Variants in RSU1 observed in about 807,000 individuals in gnomAD.
The protein encoded by RSU1 is Ras suppressor protein 1, also known as rsu-1.
In RSU1, 26 loss-of-function variants were observed where a neutral mutation model predicts 31.1. That is an observed-to-expected ratio of 0.84 (90% CI 0.61 to 1.16). The LOEUF (loss-of-function observed/expected upper bound fraction) is 1.16, where lower values mean the gene tolerates loss of function less well. RSU1 is among the 50% of genes most tolerant of loss of function. The pLI is 0.00. For missense variants in RSU1, 320 were observed against 339.1 expected (o/e 0.94, Z 0.44); for synonymous variants, 164 against 136.3 (o/e 1.20, Z -1.41).
chr10:16,790,731 C>G (rs1837895142), intron 2 of RSU1, among the ~76,000 whole-genome samples: 1 of 152,108 alleles, frequency 6.6e-6, no homozygotes, highest in Non-Finnish European at 1.5e-5. Flanking sequence ...GGTGGATTCC[C>G]CCTTGCTTTT....
rs75911762 is a variant in RSU1, at chr10:16,594,157, C to T, written c.732-661G>A. ...CTGATTAAACCAAATTAAAAGCCAC[C>T]CTAAAATAAATACAGCTCAAACTTA... On this transcript the variant is annotated intron_variant, in intron 8 of 8. Coordinates refer to ENST00000345264, the MANE Select transcript of RSU1 (RefSeq NM_012425.4). Among the ~76,000 whole-genome samples, 436 of 152,154 alleles carry T rather than the reference C, an allele frequency of 2.9e-3. 2 individuals carry two copies. Among genetic ancestry groups the T allele is most frequent in the African/African-American group, 9.9e-3 (410 of 41,510 alleles).
At chr10:16,644,211 G>A (rs1432671942) in intron 8 of RSU1, among the ~76,000 whole-genome samples, 1 of 152,206 alleles carries the variant, frequency 6.6e-6, no homozygotes, top group African/African-American at 2.4e-5. Flanking sequence ...ATAAGCTGAG[G>A]CAATTCCTAT....
Position 16,763,500 on chromosome 10 carries a change from G to A in RSU1, c.281+890C>T, listed in dbSNP as rs531861842. On this transcript the variant is annotated intron_variant, in intron 4 of 8. Transcript: ENST00000345264. ...CTATCACAAGGACAGTACCAAGAGG[G>A]GATAGTGCTAAACCATTCAGGAGAG... Among the ~76,000 whole-genome samples the A allele has an allele frequency of 7.2e-5, 11 of 152,246 alleles. No homozygotes were observed. In the East Asian group the frequency reaches 1.9e-3, roughly 27 times the overall value.
At chr10:16,711,150 T>C (rs1461483901) in intron 7 of RSU1, among the ~76,000 whole-genome samples, 4 of 152,194 alleles carry the variant, frequency 2.6e-5, no homozygotes, top group African/African-American at 4.8e-5. Context: ...AGTTTGTATA[T>C]GTCCAAGAAC....
At chr10:16,729,694 T>C (rs983199577) in intron 7 of RSU1, among the ~76,000 whole-genome samples, 1 of 152,188 alleles carries the variant, frequency 6.6e-6, no homozygotes, top group Non-Finnish European at 1.5e-5. Context: ...GGGGTTTATT[T>C]TTCTTTTTTA....
intron 4 of RSU1, among the ~76,000 whole-genome samples, chr10:16,756,940 C>CGGGTATGTGTGTGGTGTGGGGT (rs1837099326): frequency 4.9e-5 from 4 of 81,414 alleles, no homozygotes; most frequent in African/African-American, 1.5e-4. Context: ...TGTGTGGGGG[C>CGGGTATGTGTGTGGTGTGGGGT]GGGTATGTGT....
chr10:16,601,736 A>T lies in RSU1; in HGVS notation c.732-8240T>A, dbSNP rs370182031. 3.3e-5 allele frequency among the ~76,000 whole-genome samples: 5 copies of T among 152,284 alleles called. No homozygotes were observed. In the South Asian group the frequency reaches 6.2e-4, roughly 19 times the overall value. Reference sequence around the variant, plus strand: ...TGTGGCTGGGGAATCTGGCTCGCCTAATGTCCTCTCTTTCTGCACTAACAG... The same window carrying T: ...TGTGGCTGGGGAATCTGGCTCGCCTTATGTCCTCTCTTTCTGCACTAACAG... On this transcript the variant is annotated intron_variant, in intron 8 of 8. Coordinates refer to ENST00000345264, the MANE Select transcript of RSU1 (RefSeq NM_012425.4).
intron 7 of RSU1, among the ~76,000 whole-genome samples, chr10:16,721,200 A>G (rs928931760): frequency 4.6e-5 from 7 of 152,178 alleles, no homozygotes; most frequent in Non-Finnish European, 1.0e-4. Context: ...CCCAGTGTAG[A>G]GAGAACAGTG....
At chr10:16,793,731 T>C (rs1017241085) in intron 2 of RSU1, among the ~76,000 whole-genome samples, 4 of 151,948 alleles carry the variant, frequency 2.6e-5, no homozygotes, top group Non-Finnish European at 2.9e-5. Flanking sequence ...AGGGATAGAA[T>C]ATGAGTGAGA....
At chr10:16,783,928 G>C (rs1837713913) in intron 2 of RSU1, among the ~76,000 whole-genome samples, 1 of 152,054 alleles carries the variant, frequency 6.6e-6, no homozygotes, top group African/African-American at 2.4e-5. Flanking sequence ...TTTATTTTAG[G>C]GAAGAAATAG....
chr10:16,600,446 T>C (rs1220944050), intron 8 of RSU1, among the ~76,000 whole-genome samples: 1 of 152,088 alleles, frequency 6.6e-6, no homozygotes, highest in Non-Finnish European at 1.5e-5. Flanking sequence ...CCTGGACAGC[T>C]AAGATTGCAC....
intron 8 of RSU1, among the ~76,000 whole-genome samples, chr10:16,639,644 G>A (rs780453909): frequency 4.6e-5 from 7 of 152,226 alleles, no homozygotes; most frequent in Non-Finnish European, 8.8e-5. Flanking sequence ...GCACAGAGCT[G>A]AGACTCGGGC....
chr10:16,634,284 C>A (rs1207320839), intron 8 of RSU1, among the ~76,000 whole-genome samples: 1 of 152,204 alleles, frequency 6.6e-6, no homozygotes, highest in Non-Finnish European at 1.5e-5. Context: ...CCCAGGCAGA[C>A]AAAACACTTG....
chr10:16,622,775 A>G (rs1289520496), intron 8 of RSU1, among the ~76,000 whole-genome samples: 5 of 152,220 alleles, frequency 3.3e-5, no homozygotes, highest in African/African-American at 1.2e-4. Flanking sequence ...ATGATTTAAA[A>G]TAAATGCTAC....
intron 8 of RSU1, among the ~76,000 whole-genome samples, chr10:16,673,305 A>C (rs1044405897): frequency 2.6e-5 from 4 of 152,220 alleles, no homozygotes; most frequent in Admixed American, 2.6e-4. Context: ...AGCCACACTT[A>C]TTCTCAAAAG....
chr10:16,727,692 G>T (rs1836426739), intron 7 of RSU1, among the ~76,000 whole-genome samples: 1 of 152,180 alleles, frequency 6.6e-6, no homozygotes, highest in Non-Finnish European at 1.5e-5. Flanking sequence ...AACAGTAACA[G>T]TAAAGTGATA....
intron 2 of RSU1, among the ~76,000 whole-genome samples, chr10:16,787,523 C>A (rs952332930): frequency 2.6e-5 from 4 of 152,194 alleles, no homozygotes; most frequent in African/African-American, 9.7e-5. Context: ...TAGGCTGCGT[C>A]CTCGCCCAAA....
chr10:16,696,439 T>C (rs1414825577), intron 7 of RSU1, among the ~76,000 whole-genome samples: 1 of 152,218 alleles, frequency 6.6e-6, no homozygotes. Flanking sequence ...ATAGATACTT[T>C]GAATCTTTCC....
At chr10:16,750,833 T>G (rs565684440) in intron 7 of RSU1, among the ~76,000 whole-genome samples, 39 of 151,886 alleles carry the variant, frequency 2.6e-4, no homozygotes, top group African/African-American at 9.2e-4. Context: ...TGCTAACATC[T>G]GTGGTTATTA....
Sources: gnomAD v4.1 joint callset for allele counts (sites outside exome capture counted in the v4.1 genomes callset) on GRCh38, gnomAD v4.1.1 for gene constraint, MANE v1.5 for transcripts, NCBI Gene and HGNC (gene_info 2026-07-23, HGNC 2026-07-21) for gene names.